ZNF385D: variants seen among roughly 807,000 people sequenced by gnomAD.
ZNF385D encodes the protein zinc finger protein 659.
A neutral mutation model predicts 35.8 loss-of-function variants in ZNF385D; 15 were observed. The ratio of observed to expected loss-of-function variants is 0.42; its 90% CI spans 0.28 to 0.64. ZNF385D has a LOEUF of 0.64. ZNF385D is among the 30% of genes least tolerant of loss of function. The probability of loss-of-function intolerance (pLI) is 0.23; values close to 1 mark genes in which losing one functional copy is unlikely to be tolerated. For synonymous variants in ZNF385D, 212 were observed against 186.8 expected, an observed-to-expected ratio of 1.13 and a Z score of -1.10; for missense variants, 474 against 494.6, an observed-to-expected ratio of 0.96 and a Z score of 0.39.
intron 3 of ZNF385D, among the ~76,000 whole-genome samples, chr3:21,767,846 TATA>T (rs1431167316): frequency 6.6e-6 from 1 of 152,152 alleles, no homozygotes; most frequent in Non-Finnish European, 1.5e-5. Context: ...TAAATTTCTT[TATA>T]ATAATAAAGC....
chr3:22,108,816 C>G (rs377396741), intron 3 of ZNF385D, among the ~76,000 whole-genome samples: 1 of 152,128 alleles, frequency 6.6e-6, no homozygotes, highest in Non-Finnish European at 1.5e-5. Context: ...AGTTCGAGAC[C>G]AGCCTGGCCA....
Position 22,275,750 on chromosome 3 carries a change from A to G in ZNF385D, c.106+96700T>C, listed in dbSNP as rs116295988. ...AGTTTCATGGCAAAACTCCAAAGTG[A>G]GCAACTTCCAATAAATTAGCATATG... On this transcript the variant is annotated intron_variant, in intron 2 of 5. Coordinates refer to the ZNF385D transcript ENST00000494108. Among the ~76,000 whole-genome samples, 675 of 152,240 alleles carry G rather than the reference A, an allele frequency of 4.4e-3. 7 individuals are homozygous for G. The highest frequency in any genetic ancestry group is 0.015 in the African/African-American group (642 of 41,558).
At chr3:21,602,512 ATTTTCTTTTTTTT>A (rs1424253988) in intron 2 of ZNF385D, among the ~76,000 whole-genome samples, 1 of 90,208 alleles carries the variant, frequency 1.1e-5, no homozygotes, top group Non-Finnish European at 2.0e-5. Flanking sequence ...GTTTCCCTGC[ATTTTCTTTTTTTT>A]TTTTTTTTTT....
chr3:21,817,290 T>G (rs1024552776), intron 3 of ZNF385D, among the ~76,000 whole-genome samples: 2 of 152,184 alleles, frequency 1.3e-5, no homozygotes, highest in Non-Finnish European at 2.9e-5. Flanking sequence ...ACTTCATGAC[T>G]ATAACACCAA....
At chr3:22,341,477 C>T (rs1695417258) in intron 2 of ZNF385D, among the ~76,000 whole-genome samples, 1 of 152,152 alleles carries the variant, frequency 6.6e-6, no homozygotes, top group Admixed American at 6.5e-5. Context: ...ACCTACAAAC[C>T]TCCTTCTCCA....
intron 3 of ZNF385D, among the ~76,000 whole-genome samples, chr3:21,830,134 A>G (rs1694896093): frequency 6.6e-6 from 1 of 152,114 alleles, no homozygotes; most frequent in Admixed American, 6.5e-5. Context: ...AAAAAATAAA[A>G]GAGGCATTTT....
chr3:21,903,951 T>A (rs1036079318), intron 3 of ZNF385D, among the ~76,000 whole-genome samples: 5 of 152,156 alleles, frequency 3.3e-5, no homozygotes, highest in African/African-American at 4.8e-5. Flanking sequence ...CCATAGAGTG[T>A]ATCAGCATGT....
chr3:21,525,244 T>C (rs1437853657), intron 3 of ZNF385D, among the ~76,000 whole-genome samples: 3 of 152,180 alleles, frequency 2.0e-5, no homozygotes, highest in Admixed American at 6.5e-5. Context: ...AGATATTAAT[T>C]TTCAGTTTTT....
rs74392733 is a variant in ZNF385D, at chr3:21,903,563, A to G, written c.326-238535T>C. On this transcript the variant is annotated intron_variant, in intron 3 of 5. Transcript: ENST00000494108. ...ACAGAACTTTTACAAGTTGATGGAA[A>G]TGTATTTTGATCATGGTGATGATTG... 2.9e-3 allele frequency among the ~76,000 whole-genome samples: 438 copies of G among 152,292 alleles called. 2 individuals carry two copies. The highest frequency in any genetic ancestry group is 4.6e-3 in the Non-Finnish European group (314 of 68,020).
chr3:21,598,006 G>A (rs530914547), intron 2 of ZNF385D, among the ~76,000 whole-genome samples: 1 of 152,206 alleles, frequency 6.6e-6, no homozygotes, highest in East Asian at 1.9e-4. Context: ...GTATTAAATG[G>A]AATTAATATT....
intron 2 of ZNF385D, among the ~76,000 whole-genome samples, chr3:22,318,137 T>A (rs1342537875): frequency 6.6e-6 from 1 of 152,166 alleles, no homozygotes; most frequent in Non-Finnish European, 1.5e-5. Flanking sequence ...TAATATTTTT[T>A]AATGTAAGGC....
chr3:22,136,804 A>C (rs894027017), intron 3 of ZNF385D, among the ~76,000 whole-genome samples: 1 of 152,190 alleles, frequency 6.6e-6, no homozygotes, highest in African/African-American at 2.4e-5. Flanking sequence ...AGGAAACTTA[A>C]GTGCATTTTC....
intron 3 of ZNF385D, among the ~76,000 whole-genome samples, chr3:22,069,622 A>G (rs1444695292): frequency 6.6e-6 from 1 of 152,174 alleles, no homozygotes; most frequent in Non-Finnish European, 1.5e-5. Flanking sequence ...TTGGCCTCTA[A>G]GAATAAATAC....
intron 2 of ZNF385D, among the ~76,000 whole-genome samples, chr3:21,619,131 C>T (rs946302844): frequency 1.3e-5 from 2 of 152,090 alleles, no homozygotes; most frequent in Admixed American, 1.3e-4. Context: ...CCCCAATTAC[C>T]TCACCTTTTC....
intron 2 of ZNF385D, among the ~76,000 whole-genome samples, chr3:21,630,118 C>T (rs1256206885): frequency 6.6e-6 from 1 of 151,230 alleles, no homozygotes; most frequent in Non-Finnish European, 1.5e-5. Context: ...AATTTTTCCT[C>T]AAAATTTATT....
intron 4 of ZNF385D, among the ~76,000 whole-genome samples, chr3:21,446,223 C>T (rs143676820): frequency 2.0e-5 from 3 of 152,098 alleles, no homozygotes; most frequent in Admixed American, 6.5e-5. Flanking sequence ...AATTAGTTTC[C>T]GGTTTAGATT....
rs533138316 is a variant in ZNF385D at position 22,243,833 on chromosome 3, A to C, written c.107-74798T>G. Among the ~76,000 whole-genome samples the C allele has an allele frequency of 2.6e-5, 4 of 150,960 alleles. No individual in the cohort carries two copies. In the East Asian group the frequency reaches 7.9e-4, roughly 30 times the overall value. On this transcript the variant is annotated intron_variant, in intron 2 of 5. Coordinates refer to the ZNF385D transcript ENST00000494108. ...AGATGGTCAGTACTCCAGATATGTCAAGGGTGGAGCTCAGCACTCCATCCA... is the reference window on the plus strand; with the variant it reads ...AGATGGTCAGTACTCCAGATATGTCCAGGGTGGAGCTCAGCACTCCATCCA...
chr3:22,050,055 T>C (rs748005826), intron 3 of ZNF385D, among the ~76,000 whole-genome samples: 4 of 152,208 alleles, frequency 2.6e-5, no homozygotes, highest in Non-Finnish European at 4.4e-5. Flanking sequence ...TTGAGAAGGA[T>C]TGGTATTAGT....
intron 2 of ZNF385D, among the ~76,000 whole-genome samples, chr3:22,271,602 GTTC>G (rs1424407517): frequency 2.0e-5 from 3 of 151,800 alleles, no homozygotes; most frequent in African/African-American, 7.3e-5. Flanking sequence ...CACACTCCAT[GTTC>G]TTTTGTGTTT....
Sources: gnomAD v4.1 joint callset for allele counts (sites outside exome capture counted in the v4.1 genomes callset) on GRCh38, gnomAD v4.1.1 for gene constraint, MANE v1.5 for transcripts, NCBI Gene and HGNC (gene_info 2026-07-23, HGNC 2026-07-21) for gene names.